The following GUCY1A2 variants were observed in gnomAD, a reference collection of about 807,000 sequenced individuals.
GUCY1A2 encodes the protein guanylate cyclase soluble subunit alpha-2.
A neutral mutation model predicts 63.5 loss-of-function variants in GUCY1A2; 27 were observed. The observed-to-expected ratio is 0.43, with a 90% confidence interval of 0.31 to 0.59. GUCY1A2 has a LOEUF of 0.59. GUCY1A2 is among the 20% of genes least tolerant of loss of function. The pLI, the probability that GUCY1A2 is intolerant of heterozygous loss-of-function variation, is 0.11. For synonymous variants in GUCY1A2, 364 were observed against 343.5 expected (o/e 1.06, Z -0.66); for missense variants, 768 against 913.3 (o/e 0.84, Z 2.05).
At chr11:106,940,497 T>A (rs796371963) in intron 3 of GUCY1A2, among the ~76,000 whole-genome samples, 4 of 152,270 alleles carry the variant, frequency 2.6e-5, no homozygotes, top group East Asian at 3.9e-4. Flanking sequence ...CATATCTCTC[T>A]GCCCCGACAC....
rs1239776751 is a variant in GUCY1A2, at chr11:106,709,477, A to C, written c.1837-811T>G. Among the ~76,000 whole-genome samples the C allele has an allele frequency of 3.0e-3, 228 of 75,874 alleles. 8 individuals carry two copies. The highest frequency in any genetic ancestry group is 4.0e-3 in the Non-Finnish European group (184 of 45,660). The allele number at this position is 75,874 out of a possible 152,430, so 49.8% of individuals were successfully genotyped here. A position where few individuals can be genotyped will look rare whatever the true frequency, so the allele number is the denominator to read the frequency against. Reference sequence around the variant, plus strand: ...CTATATTTATAGAATAATATATATTATTATATATTTATATATATATAATAA... The same window carrying C: ...CTATATTTATAGAATAATATATATTCTTATATATTTATATATATATAATAA... On this transcript the variant is annotated intron_variant, in intron 6 of 7. Coordinates refer to ENST00000526355, the MANE Select transcript of GUCY1A2 (RefSeq NM_000855.3).
At chr11:106,809,485 C>T (rs546544448) in intron 5 of GUCY1A2, among the ~76,000 whole-genome samples, 23 of 151,988 alleles carry the variant, frequency 1.5e-4, no homozygotes, top group Non-Finnish European at 3.1e-4. Context: ...ACTCATTAGT[C>T]ATTTGAGCAA....
At chr11:106,786,606 G>A (rs1565289539) in intron 5 of GUCY1A2, among the ~76,000 whole-genome samples, 1 of 152,284 alleles carries the variant, frequency 6.6e-6, no homozygotes, top group African/African-American at 2.4e-5. Flanking sequence ...GAATACTGAA[G>A]CATGTTAGGG....
chr11:106,930,686 C>T (rs1369350022), intron 4 of GUCY1A2, among the ~76,000 whole-genome samples: 1 of 152,188 alleles, frequency 6.6e-6, no homozygotes, highest in Admixed American at 6.5e-5. Context: ...TATACCAAAT[C>T]TCAAAATCCT....
At chr11:106,907,703 G>A (rs7942835) in intron 4 of GUCY1A2, among the ~76,000 whole-genome samples, 23,421 of 151,298 alleles carry the variant, frequency 0.15, 1,965 homozygotes, top group South Asian at 0.27. Context: ...ATGATTTCCA[G>A]TTTCATCCAT....
intron 6 of GUCY1A2, among the ~76,000 whole-genome samples, chr11:106,725,327 T>C (rs1400341225): frequency 2.8e-5 from 3 of 107,324 alleles, no homozygotes; most frequent in African/African-American, 1.1e-4. Flanking sequence ...CGCCCGCCAC[T>C]ACGCCCGGCT....
intron 3 of GUCY1A2, among the ~76,000 whole-genome samples, chr11:106,955,560 G>A (rs1860972876): frequency 6.6e-6 from 1 of 152,142 alleles, no homozygotes; most frequent in Admixed American, 6.5e-5. Flanking sequence ...CTTTGCTTAT[G>A]AAGCTCAGTT....
chr11:106,799,844 G>A (rs1176033973), intron 5 of GUCY1A2, among the ~76,000 whole-genome samples: 1 of 152,196 alleles, frequency 6.6e-6, no homozygotes, highest in Non-Finnish European at 1.5e-5. Context: ...AGGACTTCAT[G>A]TCTAAAACAC....
At chr11:106,829,591 G>A (rs1004826954) in intron 4 of GUCY1A2, among the ~76,000 whole-genome samples, 2 of 152,112 alleles carry the variant, frequency 1.3e-5, no homozygotes, top group Admixed American at 6.5e-5. Context: ...ATTGAAGAAT[G>A]CAACAATTCT....
chr11:106,696,726 T>A (rs79504931), intron 7 of GUCY1A2, among the ~76,000 whole-genome samples: 4,926 of 152,256 alleles, frequency 0.032, 123 homozygotes, highest in South Asian at 0.076. Flanking sequence ...TTTTTCCTTT[T>A]CTTTAAGAGT....
intron 6 of GUCY1A2, among the ~76,000 whole-genome samples, chr11:106,714,813 C>T (rs1447022544): frequency 1.3e-5 from 2 of 152,094 alleles, no homozygotes; most frequent in African/African-American, 2.4e-5. Context: ...CTCCCCAGCC[C>T]TGGAAAAGAA....
At chr11:106,737,986 G>A (rs1300440836) in intron 6 of GUCY1A2, among the ~76,000 whole-genome samples, 2 of 152,166 alleles carry the variant, frequency 1.3e-5, no homozygotes, top group African/African-American at 2.4e-5. Context: ...CTTCCACAAT[G>A]GGTGAACTAA....
intron 3 of GUCY1A2, among the ~76,000 whole-genome samples, chr11:106,957,532 G>C (rs1043706391): frequency 6.6e-6 from 1 of 151,860 alleles, no homozygotes; most frequent in Non-Finnish European, 1.5e-5. Flanking sequence ...GCTTGGGGAA[G>C]GGGCTTCCCC....
rs144014464 is a variant in GUCY1A2 at position 106,941,311 on chromosome 11, G to A, written c.488-1133C>T. Reference sequence around the variant, plus strand: ...ATAAGTGTGCACAATGTATTCTATCGTAATAAGAAGCAGGATCACATGTGA... The same window carrying A: ...ATAAGTGTGCACAATGTATTCTATCATAATAAGAAGCAGGATCACATGTGA... On this transcript the variant is annotated intron_variant, in intron 3 of 7. Transcript: ENST00000526355. 1.8e-4 allele frequency among the ~76,000 whole-genome samples: 27 copies of A among 152,178 alleles called. No homozygotes were observed. In the South Asian group the frequency reaches 2.3e-3, roughly 13 times the overall value.
At chr11:106,934,511 G>T (rs768108678) in intron 4 of GUCY1A2, among the ~76,000 whole-genome samples, 1 of 152,072 alleles carries the variant, frequency 6.6e-6, no homozygotes, top group South Asian at 2.1e-4. Flanking sequence ...TTCAATCATC[G>T]CCTCAGAAAA....
In GUCY1A2 at chr11:106,818,243, G is replaced by C. The variant is rs148891150; in HGVS notation, c.1207-7765C>G. 2.1e-3 allele frequency among the ~76,000 whole-genome samples: 313 copies of C among 152,152 alleles called. 3 individuals carry two copies. The highest frequency in any genetic ancestry group is 0.017 in the Admixed American group (259 of 15,276). The stretch of plus-strand genomic sequence containing the variant: ...AACCTTCTGTTGAACAAATCTACTG[G>C]TGATATTTTTCCAACATCATATGCT... On this transcript the variant is annotated intron_variant, in intron 4 of 7. Coordinates refer to ENST00000526355, the MANE Select transcript of GUCY1A2 (RefSeq NM_000855.3).
chr11:106,813,618 T>G (rs1858793579), intron 4 of GUCY1A2, among the ~76,000 whole-genome samples: 1 of 152,056 alleles, frequency 6.6e-6, no homozygotes, highest in African/African-American at 2.4e-5. Context: ...GAAAATCATT[T>G]GATGCAGTGT....
At chr11:106,738,741 A>G (rs993638425) in intron 6 of GUCY1A2, among the ~76,000 whole-genome samples, 16 of 152,016 alleles carry the variant, frequency 1.1e-4, no homozygotes, top group Admixed American at 2.0e-4. Flanking sequence ...TTTCTTTTCC[A>G]CTGGTCTATA....
At chr11:106,752,699 T>C (rs902338659) in intron 6 of GUCY1A2, among the ~76,000 whole-genome samples, 7 of 152,214 alleles carry the variant, frequency 4.6e-5, no homozygotes, top group Non-Finnish European at 2.9e-5. Flanking sequence ...GTCATCCTTT[T>C]TATGGCTGCA....
Sources: gnomAD v4.1 joint callset for allele counts (sites outside exome capture counted in the v4.1 genomes callset) on GRCh38, gnomAD v4.1.1 for gene constraint, MANE v1.5 for transcripts, NCBI Gene and HGNC (gene_info 2026-07-23, HGNC 2026-07-21) for gene names.